Variants in CHRM3 observed in about 807,000 individuals in gnomAD.
CHRM3 encodes cholinergic receptor muscarinic 3, also known as muscarinic acetylcholine receptor M3.
A neutral mutation model predicts 41.8 loss-of-function variants in CHRM3; 11 were observed. That is an observed-to-expected ratio of 0.26 (90% CI 0.17 to 0.44). CHRM3 has a LOEUF of 0.44. Ranked by LOEUF, CHRM3 falls within the 20% of genes least tolerant of loss-of-function variation. CHRM3 has a pLI of 1.00. For synonymous variants in CHRM3, 297 were observed against 301.4 expected (o/e 0.99, Z 0.15); for missense variants, 571 against 745.4 (o/e 0.77, Z 2.72).
At chr1:239,499,416 T>C (rs1293157516) in intron 2 of CHRM3, among the ~76,000 whole-genome samples, 1 of 152,196 alleles carries the variant, frequency 6.6e-6, no homozygotes, top group Admixed American at 6.6e-5. Context: ...GAACACTTAC[T>C]GTATGTTAGG....
chr1:239,621,457 G>C (rs568000847), intron 3 of CHRM3, among the ~76,000 whole-genome samples: 1 of 152,298 alleles, frequency 6.6e-6, no homozygotes, highest in Non-Finnish European at 1.5e-5. Flanking sequence ...GGCTGAAAGT[G>C]ATGCCTCTTA....
At chr1:239,499,102 T>G (rs1453510722) in intron 2 of CHRM3, among the ~76,000 whole-genome samples, 2 of 152,160 alleles carry the variant, frequency 1.3e-5, no homozygotes, top group African/African-American at 4.8e-5. Flanking sequence ...TTTTGAAAGG[T>G]AGAAGTGCGT....
rs796150372 is a variant in CHRM3 at position 239,897,213 on chromosome 1, A to C, written c.-19-10220A>C. On this transcript the variant is annotated intron_variant, in intron 6 of 6. Transcript: ENST00000676153. ...CAAATATACAGTTCTATCTGCGTGC[A>C]TGAGTTGGGGCGTGCAAATAGGCTG... is the stretch of plus-strand genomic sequence containing the variant. Among the ~76,000 whole-genome samples, 28 of 152,254 alleles carry C rather than the reference A, an allele frequency of 1.8e-4. 2 individuals are homozygous for C. The highest frequency in any genetic ancestry group is 6.7e-4 in the African/African-American group (28 of 41,546).
intron 3 of CHRM3, among the ~76,000 whole-genome samples, chr1:239,605,596 GT>G (rs140148386): frequency 0.03 from 4,503 of 152,178 alleles, 244 homozygotes; most frequent in African/African-American, 0.1. Context: ...ATGTGTTTAT[GT>G]TTGAAAATTA....
At chr1:239,902,047 C>G (rs564045061) in intron 6 of CHRM3, among the ~76,000 whole-genome samples, 1 of 152,216 alleles carries the variant, frequency 6.6e-6, no homozygotes, top group African/African-American at 2.4e-5. Flanking sequence ...GCTCAGAAGA[C>G]CAAGTGTTTG....
Position 239,908,935 on chromosome 1 carries a change from C to T in CHRM3, c.1484C>T (p.Ala495Val), listed in dbSNP as rs903730617. 1.9e-6 allele frequency: 3 copies of T among 1,614,110 alleles called. No individual in the cohort carries two copies. Among genetic ancestry groups the T allele is most frequent in the East Asian group, 4.5e-5 (2 of 44,848 alleles). The change falls in exon 7 of 7, where the codon GCG becomes GTG. Residue 495 changes from alanine to valine, a missense_variant. Ala to Val is a moderately conservative substitution (Grantham distance 64). This residue lies in a region of CHRM3 where 43 missense variants were observed against 93.7 expected (regional missense o/e 0.46). Coordinates refer to ENST00000676153, the MANE Select transcript of CHRM3 (RefSeq NM_001375978.1). The surrounding 1 kb of genome is among the most constrained non-coding windows in gnomAD (Gnocchi z 7.2). Reference sequence around the variant, plus strand: ...AAGAAAGCGGCCCAGACCCTCAGTGCGATCTTGCTTGCCTTCATCATCACT... The same window carrying T: ...AAGAAAGCGGCCCAGACCCTCAGTGTGATCTTGCTTGCCTTCATCATCACT... ...KEKKAAQTLS[A>V]ILLAFIITWT...
intron 5 of CHRM3, among the ~76,000 whole-genome samples, chr1:239,788,557 G>A (rs1249217794): frequency 6.6e-6 from 1 of 152,028 alleles, no homozygotes; most frequent in Non-Finnish European, 1.5e-5. Context: ...CTTGAGGTCG[G>A]GAGTTCCAGA....
At chr1:239,894,451 G>A (rs1414160929) in intron 6 of CHRM3, among the ~76,000 whole-genome samples, 1 of 151,796 alleles carries the variant, frequency 6.6e-6, no homozygotes, top group Non-Finnish European at 1.5e-5. Context: ...TTTATTTTTT[G>A]AGATGGAGTC....
chr1:239,809,113 G>A lies in CHRM3; in HGVS notation c.-146-18139G>A, dbSNP rs777222612. The stretch of plus-strand genomic sequence containing the variant: ...CGGCTCACTGCAAGCTCCGCCTCCC[G>A]GGTTCACACCATTCTCCTGCCTCAG... On this transcript the variant is annotated intron_variant, in intron 5 of 6. Coordinates refer to ENST00000676153, the MANE Select transcript of CHRM3 (RefSeq NM_001375978.1). 1.0e-3 allele frequency among the ~76,000 whole-genome samples: 151 copies of A among 146,628 alleles called. 1 individual carries two copies. The Middle Eastern group carries it at 0.011, about 11-fold the overall frequency.
At chr1:239,392,841 A>C (rs1233413541) in intron 1 of CHRM3, among the ~76,000 whole-genome samples, 1 of 152,224 alleles carries the variant, frequency 6.6e-6, no homozygotes, top group Admixed American at 6.5e-5. Context: ...ATTTTCTCCC[A>C]CTAGAATTGC....
intron 5 of CHRM3, among the ~76,000 whole-genome samples, chr1:239,753,338 A>G (rs905182956): frequency 6.6e-6 from 1 of 152,310 alleles, no homozygotes; most frequent in South Asian, 2.1e-4. Context: ...AAGACTTGGT[A>G]ATTTATGAAG....
intron 6 of CHRM3, among the ~76,000 whole-genome samples, chr1:239,839,117 C>A (rs1216544733): frequency 7.2e-5 from 11 of 152,150 alleles, no homozygotes; most frequent in African/African-American, 2.4e-4. Context: ...CTTTTTCCTC[C>A]AAATGACTCC....
chr1:239,883,478 TA>T (rs1296764140), intron 6 of CHRM3, among the ~76,000 whole-genome samples: 5 of 152,236 alleles, frequency 3.3e-5, no homozygotes, highest in African/African-American at 1.2e-4. Flanking sequence ...GGCATGTTTA[TA>T]TTACTTATTT....
rs1553363709 is a variant in CHRM3, at chr1:239,684,748, G to GAAAGAAAGAAAAGAA, written c.-147+6461_-147+6462insAAGAAAGAAAAGAAA. Among the ~76,000 whole-genome samples the GAAAGAAAGAAAAGAA allele has an allele frequency of 3.7e-5, 4 of 107,706 alleles. No individual in the cohort carries two copies. The Admixed American group carries it at 4.0e-4, about 11-fold the overall frequency. 70.7% of individuals were successfully genotyped at this position (107,706 alleles called of 152,430 possible). Reference sequence around the variant, plus strand: ...AAAGGAAAGGAAAGAGAGAAAGAAAGAGAAAGAAAGAAAGAAAGAAAGAGA... The same window carrying GAAAGAAAGAAAAGAA: ...AAAGGAAAGGAAAGAGAGAAAGAAAGAAAGAAAGAAAAGAAAGAAAGAAAGAAAGAAAGAAAGAGA... On this transcript the variant is annotated intron_variant, in intron 5 of 6. Transcript: ENST00000676153.
At chr1:239,581,102 G>A (rs1662859109) in intron 3 of CHRM3, among the ~76,000 whole-genome samples, 1 of 151,998 alleles carries the variant, frequency 6.6e-6, no homozygotes, top group Admixed American at 6.6e-5. Context: ...TTCTTGGTAG[G>A]AAGGGAGAAC....
chr1:239,739,130 A>G (rs1480350599), intron 5 of CHRM3, among the ~76,000 whole-genome samples: 3 of 152,156 alleles, frequency 2.0e-5, no homozygotes, highest in Admixed American at 6.5e-5. Context: ...ATTGTAGCAA[A>G]TAGGTGCCCA....
rs537961749 is a variant in CHRM3, at chr1:239,554,888, C to G, written c.-313+9139C>G. 3.2e-4 allele frequency among the ~76,000 whole-genome samples: 49 copies of G among 151,980 alleles called. No individual in the cohort carries two copies. The South Asian group carries it at 3.3e-3, about 10-fold the overall frequency. On this transcript the variant is annotated intron_variant, in intron 3 of 6. Coordinates refer to ENST00000676153, the MANE Select transcript of CHRM3 (RefSeq NM_001375978.1). Reference sequence around the variant, plus strand: ...GGGACTACAGGCACGTGCCACCATGCCCAGCTAATTTTTGTATTTTTATTA... The same window carrying G: ...GGGACTACAGGCACGTGCCACCATGGCCAGCTAATTTTTGTATTTTTATTA...
chr1:239,856,224 G>GTA (rs1317207459), intron 6 of CHRM3, among the ~76,000 whole-genome samples: 1 of 152,134 alleles, frequency 6.6e-6, no homozygotes, highest in Non-Finnish European at 1.5e-5. Flanking sequence ...TAGCTGTGTA[G>GTA]TATAGAAGGT....
intron 3 of CHRM3, among the ~76,000 whole-genome samples, chr1:239,566,192 C>A (rs932421406): frequency 1.3e-5 from 2 of 152,102 alleles, no homozygotes; most frequent in African/African-American, 4.8e-5. Context: ...GGATTACAGG[C>A]GTGAGCCATC....
Sources: allele counts gnomAD v4.1 joint callset (sites outside exome capture counted in the v4.1 genomes callset), GRCh38; gene constraint gnomAD v4.1.1; regional missense constraint gnomAD v4.1.1; non-coding constraint Gnocchi (gnomAD v3.1); transcripts MANE v1.5; gene names NCBI Gene and HGNC (gene_info 2026-07-23, HGNC 2026-07-21).